Variants in CTNNA2 observed in about 807,000 individuals in gnomAD.
The protein encoded by CTNNA2 is catenin alpha-2.
In CTNNA2, 42 loss-of-function variants were observed where a neutral mutation model predicts 101.0. That is an observed-to-expected ratio of 0.42 (90% CI 0.32 to 0.54). The LOEUF (loss-of-function observed/expected upper bound fraction) is 0.54. Among genes scored for constraint, CTNNA2 ranks in the 20% least tolerant of loss-of-function variants. CTNNA2 has a pLI of 0.14. For missense variants in CTNNA2, 871 were observed against 1,223.1 expected (o/e 0.71, Z 4.29); for synonymous variants, 450 against 456.4 (o/e 0.99, Z 0.18).
chr2:79,200,214 C>A (rs1230844720), intron 2 of CTNNA2, among the ~76,000 whole-genome samples: 1 of 151,940 alleles, frequency 6.6e-6, no homozygotes, highest in Non-Finnish European at 1.5e-5. Flanking sequence ...TGAAACCCCA[C>A]CTCTACTAAA....
chr2:79,232,886 T>C (rs1674514108), intron 2 of CTNNA2, among the ~76,000 whole-genome samples: 1 of 152,184 alleles, frequency 6.6e-6, no homozygotes, highest in African/African-American at 2.4e-5. Context: ...GGTTGTAATG[T>C]TGTCTTTGTC....
At position 79,891,820 on chromosome 2, in the gene CTNNA2, A is replaced by AAT. The variant is rs914934753; in HGVS notation, c.852+17491_852+17492dup. Reference sequence around the variant, plus strand: ...TACTGAAAATGCAAAACAACCTGAAAATATATATATATATGTCAAAATGCT... The same window carrying AAT: ...TACTGAAAATGCAAAACAACCTGAAAATATATATATATATATGTCAAAATGCT... On this transcript the variant is annotated intron_variant, in intron 6 of 18. Coordinates refer to ENST00000402739, the MANE Select transcript of CTNNA2 (RefSeq NM_001282597.3). Among the ~76,000 whole-genome samples, 659 of 151,236 alleles carry AAT rather than the reference A, an allele frequency of 4.4e-3. 6 individuals carry two copies. Among genetic ancestry groups the AAT allele is most frequent in the African/African-American group, 0.014 (578 of 41,268 alleles).
chr2:80,455,038 G>C (rs1459143499), intron 9 of CTNNA2, among the ~76,000 whole-genome samples: 1 of 152,090 alleles, frequency 6.6e-6, no homozygotes, highest in Non-Finnish European at 1.5e-5. Flanking sequence ...CCTCATGACA[G>C]CAGAACTTGG....
At chr2:79,256,599 A>G (rs1416803751) in intron 2 of CTNNA2, among the ~76,000 whole-genome samples, 1 of 152,198 alleles carries the variant, frequency 6.6e-6, no homozygotes, top group African/African-American at 2.4e-5. Context: ...GTTATGACCC[A>G]TTTGATCTGA....
At chr2:79,821,369 T>C (rs1468708579) in intron 3 of CTNNA2, among the ~76,000 whole-genome samples, 1 of 152,106 alleles carries the variant, frequency 6.6e-6, no homozygotes. Flanking sequence ...TCACCATTTC[T>C]GGCTAGTTTT....
At chr2:80,382,360 TAAA>T (rs3040573) in intron 7 of CTNNA2, among the ~76,000 whole-genome samples, 4,100 of 144,654 alleles carry the variant, frequency 0.028, 150 homozygotes, top group African/African-American at 0.093. Context: ...TTTAATTGGA[TAAA>T]AAAAAAAAAA....
chr2:79,887,646 C>G (rs180921671), intron 6 of CTNNA2, among the ~76,000 whole-genome samples: 2 of 152,198 alleles, frequency 1.3e-5, no homozygotes, highest in African/African-American at 4.8e-5. Flanking sequence ...TGGGCTCCTA[C>G]TATGTGCTTA....
intron 7 of CTNNA2, among the ~76,000 whole-genome samples, chr2:80,009,759 A>T (rs1389987796): frequency 3.0e-5 from 2 of 67,682 alleles, no homozygotes; most frequent in Non-Finnish European, 4.2e-5. Context: ...TGTCAGAGAG[A>T]GAGACAGAGA....
At chr2:80,219,964 A>C (rs1270863492) in intron 7 of CTNNA2, among the ~76,000 whole-genome samples, 2 of 152,204 alleles carry the variant, frequency 1.3e-5, no homozygotes, top group African/African-American at 4.8e-5. Flanking sequence ...CTCACAGTAC[A>C]TTAAATTGAA....
At chr2:79,237,563 C>G (rs1260970045) in intron 2 of CTNNA2, among the ~76,000 whole-genome samples, 2 of 152,158 alleles carry the variant, frequency 1.3e-5, no homozygotes, top group Non-Finnish European at 2.9e-5. Context: ...GTGAGAAGTC[C>G]TAGATGGCAG....
chr2:79,891,074 G>T (rs9309553), intron 6 of CTNNA2, among the ~76,000 whole-genome samples: 1 of 151,292 alleles, frequency 6.6e-6, no homozygotes, highest in East Asian at 2.0e-4. Context: ...TCAGACCATA[G>T]GATATTTGGA....
chr2:80,522,462 G>A (rs540476347), intron 9 of CTNNA2, among the ~76,000 whole-genome samples: 1 of 152,348 alleles, frequency 6.6e-6, no homozygotes, highest in Non-Finnish European at 1.5e-5. Context: ...CCGTTGCATT[G>A]AAGGGGTTAG....
intron 13 of CTNNA2, among the ~76,000 whole-genome samples, chr2:80,574,671 A>G (rs1278082432): frequency 6.6e-6 from 1 of 152,222 alleles, no homozygotes; most frequent in African/African-American, 2.4e-5. Flanking sequence ...TGAAGATTAC[A>G]CAGCATAGTA....
intron 2 of CTNNA2, 43 bp downstream of exon 2, chr2:79,651,701 A>G (rs769005515): frequency 1.3e-6 from 2 of 1,518,094 alleles, no homozygotes; most frequent in South Asian, 1.1e-5. Context: ...ATGTGTTTCT[A>G]TTGTGATTAT....
intron 7 of CTNNA2, among the ~76,000 whole-genome samples, chr2:79,919,849 G>A (rs1282814079): frequency 2.6e-5 from 4 of 152,122 alleles, no homozygotes; most frequent in Admixed American, 6.5e-5. Flanking sequence ...GATTCAGTTC[G>A]AAAATTGTTA....
At chr2:79,286,951 T>G (rs1353587971) in intron 2 of CTNNA2, among the ~76,000 whole-genome samples, 1 of 152,214 alleles carries the variant, frequency 6.6e-6, no homozygotes, top group East Asian at 1.9e-4. Context: ...GCTTTGCTCA[T>G]TTCTTTTTAT....
rs765534568 is a variant in CTNNA2 at position 79,411,068 on chromosome 2, A to T, written c.-135+37055A>T. Among the ~76,000 whole-genome samples, 51 of 151,760 alleles carry T rather than the reference A, an allele frequency of 3.4e-4. 1 individual carries two copies. Among genetic ancestry groups the T allele is most frequent in the Admixed American group, 1.3e-3 (20 of 15,216 alleles). On this transcript the variant is annotated intron_variant, in intron 4 of 21. Coordinates refer to the CTNNA2 transcript ENST00000466387. ...TGAGGAATTTATCCATTTCTTCTAG[A>T]TTTTCTAGTTTATTTGCTTAGAGTT...
At chr2:80,430,323 G>C (rs1457507514) in intron 9 of CTNNA2, among the ~76,000 whole-genome samples, 1 of 152,106 alleles carries the variant, frequency 6.6e-6, no homozygotes, top group Non-Finnish European at 1.5e-5. Flanking sequence ...CCATGGTAAT[G>C]TTCACACATT....
chr2:80,354,467 G>A (rs1673593292), intron 7 of CTNNA2, among the ~76,000 whole-genome samples: 1 of 152,152 alleles, frequency 6.6e-6, no homozygotes, highest in African/African-American at 2.4e-5. Context: ...TGCAAACAGA[G>A]TGCATCTTTA....
Sources: gnomAD v4.1 joint callset for allele counts (sites outside exome capture counted in the v4.1 genomes callset) on GRCh38, gnomAD v4.1.1 for gene constraint, MANE v1.5 for transcripts, NCBI Gene and HGNC (gene_info 2026-07-23, HGNC 2026-07-21) for gene names.